FAM81B: variants seen among roughly 807,000 people sequenced by gnomAD.
The protein encoded by FAM81B is protein FAM81B.
FAM81B carries 60 observed loss-of-function variants against 58.7 expected under a neutral mutation model. The ratio of observed to expected loss-of-function variants is 1.02; its 90% CI spans 0.83 to 1.27. The LOEUF (loss-of-function observed/expected upper bound fraction) is 1.27. FAM81B is among the 50% of genes most tolerant of loss of function. The pLI is 0.00. For synonymous variants in FAM81B, 189 were observed against 179.6 expected (o/e 1.05, Z -0.42); for missense variants, 491 against 522.0 (o/e 0.94, Z 0.58).
chr5:95,398,971 C>A (rs1321506033), intron 3 of FAM81B, among the ~76,000 whole-genome samples: 2 of 152,150 alleles, frequency 1.3e-5, no homozygotes. Flanking sequence ...GAAAATGAAT[C>A]CTGAGTTTCT....
intron 9 of FAM81B, among the ~76,000 whole-genome samples, chr5:95,449,331 T>C (rs1031804751): frequency 6.6e-6 from 1 of 152,172 alleles, no homozygotes; most frequent in African/African-American, 2.4e-5. Flanking sequence ...CACCGTCATA[T>C]CAAAATAATG....
chr5:95,426,094 GTATATATATATATA>G (rs57076025), intron 5 of FAM81B, among the ~76,000 whole-genome samples: 1 of 120,182 alleles, frequency 8.3e-6, no homozygotes, highest in Non-Finnish European at 1.7e-5. Context: ...ATCTCTGTGT[GTATATATATATATA>G]TATATATATA....
intron 6 of FAM81B, among the ~76,000 whole-genome samples, chr5:95,432,838 T>C (rs1011708601): frequency 1.3e-5 from 2 of 152,156 alleles, no homozygotes; most frequent in African/African-American, 4.8e-5. Context: ...TCCTTTTATA[T>C]ATTTTTTATT....
At position 95,448,457 on chromosome 5, in the gene FAM81B, T is replaced by C; in HGVS notation, c.1218T>C (p.Tyr406=). The change falls in exon 9 of 10, where the codon TAT becomes TAC. Residue 406 remains tyrosine, a synonymous_variant. Coordinates refer to ENST00000283357, the MANE Select transcript of FAM81B (RefSeq NM_152548.3). ...WGELETMQNE[Y]QSGFKSIHDS... Reference sequence around the variant, plus strand: ...AATTAGAGACAATGCAGAATGAATATCAATCAGGTGAGCAGATACCTTTTA... The same window carrying C: ...AATTAGAGACAATGCAGAATGAATACCAATCAGGTGAGCAGATACCTTTTA... 1 of 1,604,414 alleles carries C rather than the reference T, an allele frequency of 6.2e-7. No homozygotes were observed. The highest frequency in any genetic ancestry group is 1.3e-5 in the African/African-American group (1 of 74,284).
chr5:95,392,771 G>C, intron 1 of FAM81B, 23 bp from the exon 2 acceptor site: 8 of 1,588,568 alleles, frequency 5.0e-6, no homozygotes, highest in Non-Finnish European at 6.9e-6. Flanking sequence ...TTCCTGACCT[G>C]ATTCAGCATT....
At chr5:95,425,244 A>G (rs1762792852) in intron 5 of FAM81B, among the ~76,000 whole-genome samples, 1 of 152,152 alleles carries the variant, frequency 6.6e-6, no homozygotes, top group South Asian at 2.1e-4. Context: ...CTATAGATTA[A>G]AAGGAAAAAC....
At position 95,420,407 on chromosome 5, in the gene FAM81B, G is replaced by C. The variant is rs145333037; in HGVS notation, c.656+5G>C. 5.1e-4 allele frequency: 823 copies of C among 1,613,460 alleles called. 2 individuals carry two copies. In the African/African-American group the frequency reaches 9.7e-3, roughly 19 times the overall value. ...TCTTCGAGGAAGAGTAGCCAGGTGA[G>C]AAGAAGCATGTTGACTAATGTTTAA... On this transcript the variant is annotated splice_donor_5th_base_variant and intron_variant, in intron 5 of 9. Transcript: ENST00000283357.
At chr5:95,394,725 C>G (rs1761919338) in intron 2 of FAM81B, among the ~76,000 whole-genome samples, 1 of 152,190 alleles carries the variant, frequency 6.6e-6, no homozygotes, top group Non-Finnish European at 1.5e-5. Flanking sequence ...TGGGGGTTCA[C>G]AGGCTCCCTC....
chr5:95,441,999 G>T (rs796647070), intron 7 of FAM81B, among the ~76,000 whole-genome samples: 4 of 152,252 alleles, frequency 2.6e-5, no homozygotes, highest in African/African-American at 9.6e-5. Flanking sequence ...TATAAGAAAA[G>T]AAAAAGTGTT....
rs563213644 is a variant in FAM81B at position 95,444,847 on chromosome 5, G to A, written c.894-1715G>A. Among the ~76,000 whole-genome samples, 129 of 152,034 alleles carry A rather than the reference G, an allele frequency of 8.5e-4. 1 individual carries two copies. Among genetic ancestry groups the A allele is most frequent in the African/African-American group, 3.0e-3 (125 of 41,468 alleles). On this transcript the variant is annotated intron_variant, in intron 7 of 9. Transcript: ENST00000283357. ...ATCTAAGTCAGGTTTTCTCAGTGTC[G>A]GCACTATTGGTATTTCAGCTGGATC... is the stretch of plus-strand genomic sequence containing the variant.
chr5:95,448,519 C>T, intron 9 of FAM81B, 55 bp downstream of exon 9: 1 of 1,493,542 alleles, frequency 6.7e-7, no homozygotes, highest in South Asian at 1.4e-5. Flanking sequence ...TGTTCAATCC[C>T]TCAGTCTTCC....
Position 95,392,914 on chromosome 5 carries a change from A to G in FAM81B, c.228+17A>G. ...GAAAAGAAAGCAAGTACTTTTCAAT[A>G]TTCACATTAAAAGTAGAATACTTTG... On this transcript the variant is annotated intron_variant, in intron 2 of 9. Transcript: ENST00000283357. 2 of 1,578,776 alleles carry G rather than the reference A, an allele frequency of 1.3e-6. No homozygotes were observed. Among genetic ancestry groups the G allele is most frequent in the Non-Finnish European group, 1.7e-6 (2 of 1,159,420 alleles).
At chr5:95,403,207 G>A (rs1469966392) in intron 3 of FAM81B, among the ~76,000 whole-genome samples, 1 of 152,146 alleles carries the variant, frequency 6.6e-6, no homozygotes, top group African/African-American at 2.4e-5. Context: ...TGATTCAGTA[G>A]GTTTGTGTTG....
At chr5:95,427,015 C>T (rs866297029) in intron 5 of FAM81B, among the ~76,000 whole-genome samples, 3 of 152,178 alleles carry the variant, frequency 2.0e-5, no homozygotes, top group East Asian at 1.9e-4. Context: ...TGCCACTGCA[C>T]TCCAGCCTGG....
intron 3 of FAM81B, among the ~76,000 whole-genome samples, chr5:95,408,112 G>GAGAGAGAGAGA (rs58919939): frequency 6.7e-6 from 1 of 148,800 alleles, no homozygotes; most frequent in Non-Finnish European, 1.5e-5. Flanking sequence ...GAGAGAGAGA[G>GAGAGAGAGAGA]GAGGGAAGGA....
intron 6 of FAM81B, among the ~76,000 whole-genome samples, chr5:95,432,001 A>G (rs1039278618): frequency 6.6e-6 from 1 of 152,044 alleles, no homozygotes; most frequent in African/African-American, 2.4e-5. Flanking sequence ...AATAGTGGAC[A>G]TCCTGGTCTT....
intron 7 of FAM81B, chr5:95,440,787 G>T: frequency 3.5e-6 from 1 of 283,998 alleles, no homozygotes; most frequent in Admixed American, 4.3e-5. Context: ...TTTGCGGGGA[G>T]GAATCCCAGA....
intron 3 of FAM81B, among the ~76,000 whole-genome samples, chr5:95,407,379 C>T (rs192704496): frequency 3.5e-4 from 50 of 144,550 alleles, no homozygotes; most frequent in African/African-American, 1.2e-3. Flanking sequence ...TCCAAAAATG[C>T]CTGTTCTCTT....
chr5:95,432,118 A>T (rs1275761680), intron 6 of FAM81B, among the ~76,000 whole-genome samples: 2 of 152,068 alleles, frequency 1.3e-5, no homozygotes, highest in Non-Finnish European at 2.9e-5. Flanking sequence ...ATTTTTTAGA[A>T]ATCAAAAACG....
Sources: allele counts gnomAD v4.1 joint callset (sites outside exome capture counted in the v4.1 genomes callset), GRCh38; gene constraint gnomAD v4.1.1; transcripts MANE v1.5; gene names NCBI Gene and HGNC (gene_info 2026-07-23, HGNC 2026-07-21).